CCDC62: variants seen among roughly 807,000 people sequenced by gnomAD.
The protein encoded by CCDC62 is coiled-coil domain containing 62.
A neutral mutation model predicts 80.8 loss-of-function variants in CCDC62; 72 were observed. The ratio of observed to expected loss-of-function variants is 0.89; its 90% CI spans 0.74 to 1.08. CCDC62 has a LOEUF of 1.08. Among genes scored for constraint, CCDC62 ranks in the 50% least tolerant of loss-of-function variants. The probability of loss-of-function intolerance (pLI) is 0.00; values close to 1 mark genes in which losing one functional copy is unlikely to be tolerated. For synonymous variants in CCDC62, 286 were observed against 296.5 expected, an observed-to-expected ratio of 0.96 and a Z score of 0.36; for missense variants, 704 against 809.4, an observed-to-expected ratio of 0.87 and a Z score of 1.58.
At position 122,797,438 on chromosome 12, in the gene CCDC62, G is replaced by A. The variant is rs375405166; in HGVS notation, c.861+43G>A. 4.8e-5 allele frequency: 53 copies of A among 1,106,734 alleles called. No individual in the cohort carries two copies. In the African/African-American group the frequency reaches 6.5e-4, roughly 14 times the overall value. 68.6% of individuals were successfully genotyped at this position (1,106,734 alleles called of 1,614,324 possible). A position where few individuals can be genotyped will look rare whatever the true frequency, so the allele number is the denominator to read the frequency against. On this transcript the variant is annotated intron_variant, in intron 7 of 12. Coordinates refer to ENST00000253079, the MANE Select transcript of CCDC62 (RefSeq NM_201435.5). ...CTTCTCTGTCACATAAGAAATGTTTGTAAACAAATAGCAAATTAGGAAAAA... is the reference window on the plus strand; with the variant it reads ...CTTCTCTGTCACATAAGAAATGTTTATAAACAAATAGCAAATTAGGAAAAA...
intron 4 of CCDC62, 48 bp from the exon 5 acceptor site, chr12:122,788,710 A>T (rs763630909): frequency 7.3e-5 from 86 of 1,180,102 alleles, no homozygotes; most frequent in Non-Finnish European, 9.3e-5. Context: ...TTCTTGGTTA[A>T]TTGGAATTTA....
intron 11 of CCDC62, among the ~76,000 whole-genome samples, chr12:122,814,271 C>T (rs1409883023): frequency 1.3e-5 from 1 of 77,354 alleles, no homozygotes; most frequent in African/African-American, 4.6e-5. Context: ...ATGAGCAAAG[C>T]TCCACCTCAA....
chr12:122,780,457 C>A (rs1195807409), intron 2 of CCDC62, among the ~76,000 whole-genome samples: 1 of 150,558 alleles, frequency 6.6e-6, no homozygotes, highest in Non-Finnish European at 1.5e-5. Flanking sequence ...ACTAAAAATA[C>A]AAAAAAATTA....
At chr12:122,808,654 T>G (rs2031728169) in intron 10 of CCDC62, among the ~76,000 whole-genome samples, 1 of 152,156 alleles carries the variant, frequency 6.6e-6, no homozygotes, top group Non-Finnish European at 1.5e-5. Context: ...AGCCTCCCAA[T>G]TAGCTGGGAC....
At chr12:122,783,851 G>A (rs185673254) in intron 3 of CCDC62, among the ~76,000 whole-genome samples, 47 of 152,270 alleles carry the variant, frequency 3.1e-4, no homozygotes, top group Non-Finnish European at 2.9e-5. Flanking sequence ...CTCCACACCG[G>A]GGTGGTGCAT....
intron 6 of CCDC62, among the ~76,000 whole-genome samples, chr12:122,793,696 C>A (rs1287523191): frequency 1.3e-5 from 2 of 152,192 alleles, no homozygotes; most frequent in East Asian, 3.9e-4. Context: ...ATCAAGCGAT[C>A]CCCTTGCCTC....
intron 2 of CCDC62, among the ~76,000 whole-genome samples, chr12:122,779,502 A>G (rs1879690538): frequency 6.6e-6 from 1 of 152,180 alleles, no homozygotes; most frequent in South Asian, 2.1e-4. Context: ...CTGGGGCCCA[A>G]GGGTCTGCAT....
intron 9 of CCDC62, 148 bp from the exon 10 acceptor site, chr12:122,806,002 AT>A (rs1566082783): frequency 3.2e-6 from 2 of 619,440 alleles, no homozygotes; most frequent in East Asian, 2.9e-5. Flanking sequence ...ATAATATTCT[AT>A]TCCAATCTAT....
chr12:122,798,151 A>T lies in CCDC62; in HGVS notation c.928A>T (p.Ile310Leu). ...CAATGTGGAAAATTCTCAGGAATTA[A>T]TACAGATGTATGACTCAAAGATGGA... ...NFNVENSQEL[I>L]QMYDSKMEES... The change falls in exon 8 of 13, where the codon ATA becomes TTA. Residue 310 changes from isoleucine to leucine, a missense_variant. Ile to Leu is a conservative substitution (Grantham distance 5). Coordinates refer to ENST00000253079, the MANE Select transcript of CCDC62 (RefSeq NM_201435.5). The T allele has an allele frequency of 6.3e-7, 1 of 1,597,254 alleles. No homozygotes were observed. The highest frequency in any genetic ancestry group is 1.3e-5 in the African/African-American group (1 of 74,728).
intron 1 of CCDC62, among the ~76,000 whole-genome samples, chr12:122,775,840 C>T (rs1411479086): frequency 2.6e-5 from 4 of 152,096 alleles, no homozygotes; most frequent in Admixed American, 6.6e-5. Flanking sequence ...CTCGAACTCC[C>T]GACCTCAGGT....
At chr12:122,789,115 T>C (rs2030445991) in intron 5 of CCDC62, among the ~76,000 whole-genome samples, 186 bp downstream of exon 5, 1 of 152,184 alleles carries the variant, frequency 6.6e-6, no homozygotes, top group Non-Finnish European at 1.5e-5. Flanking sequence ...TATAACAGAG[T>C]TGGGGAAAAC....
chr12:122,804,419 G>A (rs764513103), intron 9 of CCDC62, among the ~76,000 whole-genome samples: 2 of 152,118 alleles, frequency 1.3e-5, no homozygotes, highest in Non-Finnish European at 2.9e-5. Context: ...CCCAGGAGGT[G>A]GAGGTTGCAG....
chr12:122,782,096 A>T (rs2029900506), intron 3 of CCDC62, among the ~76,000 whole-genome samples: 1 of 151,020 alleles, frequency 6.6e-6, no homozygotes, highest in South Asian at 2.1e-4. Context: ...GCCTCTGGGG[A>T]GGCTGAGGCA....
chr12:122,817,376 T>C (rs1273913833), intron 11 of CCDC62, among the ~76,000 whole-genome samples: 4 of 146,702 alleles, frequency 2.7e-5, no homozygotes, highest in African/African-American at 1.0e-4. Context: ...TTTATTTTTA[T>C]TTTATTTTTG....
intron 6 of CCDC62, among the ~76,000 whole-genome samples, chr12:122,792,640 T>TC (rs1348678272): frequency 2.6e-5 from 4 of 151,974 alleles, no homozygotes; most frequent in African/African-American, 7.3e-5. Context: ...TGCCTCAGCC[T>TC]CCCAAGTAGC....
intron 6 of CCDC62, among the ~76,000 whole-genome samples, chr12:122,792,420 C>A (rs1387663603): frequency 3.3e-5 from 5 of 151,748 alleles, no homozygotes; most frequent in Non-Finnish European, 7.4e-5. Context: ...GGGGTTTCAC[C>A]ACATTGGTCA....
chr12:122,774,730 CG>C, intron 1 of CCDC62, 24 bp downstream of exon 1: 1 of 1,244,648 alleles, frequency 8.0e-7, no homozygotes, highest in Non-Finnish European at 1.0e-6. Flanking sequence ...CCGGGCGCGG[CG>C]GGGCGCCGCG....
At chr12:122,777,405 A>T (rs1252218693) in intron 1 of CCDC62, 86 bp from the exon 2 acceptor site, 2 of 1,147,786 alleles carry the variant, frequency 1.7e-6, no homozygotes, top group East Asian at 4.9e-5. Flanking sequence ...GCCGCAAAAG[A>T]AGATATACTT....
intron 1 of CCDC62, 91 bp from the exon 2 acceptor site, chr12:122,777,400 A>G: frequency 9.1e-7 from 1 of 1,102,100 alleles, no homozygotes; most frequent in East Asian, 2.5e-5. Context: ...AATTGGCCGC[A>G]AAAGAAGATA....
Sources: allele counts gnomAD v4.1 joint callset (sites outside exome capture counted in the v4.1 genomes callset), GRCh38; gene constraint gnomAD v4.1.1; transcripts MANE v1.5; gene names NCBI Gene and HGNC (gene_info 2026-07-23, HGNC 2026-07-21).